EMSY: variants seen among roughly 807,000 people sequenced by gnomAD.
EMSY encodes the protein BRCA2-interacting transcriptional repressor EMSY.
EMSY carries 26 observed loss-of-function variants against 134.6 expected under a neutral mutation model. That is an observed-to-expected ratio of 0.19 (90% CI 0.14 to 0.27). EMSY has a LOEUF of 0.27. Ranked by LOEUF, EMSY falls within the 10% of genes least tolerant of loss-of-function variation. The probability of loss-of-function intolerance (pLI) is 1.00; values close to 1 mark genes in which losing one functional copy is unlikely to be tolerated. For missense variants in EMSY, 1,305 were observed against 1,611.4 expected, an observed-to-expected ratio of 0.81 and a Z score of 3.26; for synonymous variants, 579 against 577.8, an observed-to-expected ratio of 1.00 and a Z score of -0.03.
chr11:76,488,540 T>G (rs1190010367), intron 8 of EMSY, among the ~76,000 whole-genome samples: 2 of 152,108 alleles, frequency 1.3e-5, no homozygotes, highest in African/African-American at 2.4e-5. Context: ...TTTTTGTTTT[T>G]TTTTTTATTT....
At chr11:76,500,393 A>G (rs1565321118) in intron 9 of EMSY, among the ~76,000 whole-genome samples, 1 of 152,246 alleles carries the variant, frequency 6.6e-6, no homozygotes, top group Non-Finnish European at 1.5e-5. Flanking sequence ...GACTAAGGGC[A>G]TTCTCAAGAA....
intron 2 of EMSY, among the ~76,000 whole-genome samples, chr11:76,448,202 C>T (rs921471114): frequency 1.3e-5 from 2 of 152,174 alleles, no homozygotes; most frequent in East Asian, 1.9e-4. Context: ...ATCATAGCTG[C>T]TCTGGCCCTG....
intron 4 of EMSY, among the ~76,000 whole-genome samples, chr11:76,455,635 A>G (rs78131992): frequency 0.028 from 4,262 of 152,244 alleles, 83 homozygotes; most frequent in East Asian, 0.062. Flanking sequence ...AAGATTGAGC[A>G]CAAAGGAGGG....
chr11:76,508,872 A>G (rs750499946), intron 9 of EMSY, among the ~76,000 whole-genome samples: 4 of 152,134 alleles, frequency 2.6e-5, no homozygotes, highest in Non-Finnish European at 5.9e-5. Flanking sequence ...CCTGGCCTTC[A>G]TAGAAATGAA....
At chr11:76,457,063 A>G (rs1178837759) in intron 4 of EMSY, among the ~76,000 whole-genome samples, 1 of 152,172 alleles carries the variant, frequency 6.6e-6, no homozygotes, top group East Asian at 1.9e-4. Flanking sequence ...TACCAAATTC[A>G]TAGGATTGAA....
chr11:76,529,373 G>A (rs1183359289), intron 14 of EMSY, among the ~76,000 whole-genome samples: 1 of 152,042 alleles, frequency 6.6e-6, no homozygotes, highest in Non-Finnish European at 1.5e-5. Flanking sequence ...TCCATATTGT[G>A]CAAACACTAG....
At chr11:76,448,911 G>C (rs1947535424) in intron 2 of EMSY, among the ~76,000 whole-genome samples, 1 of 152,038 alleles carries the variant, frequency 6.6e-6, no homozygotes, top group Non-Finnish European at 1.5e-5. Flanking sequence ...TTGGGATAGA[G>C]AATTTCTTTA....
At chr11:76,472,718 C>T in exon 8 of EMSY, 1 of 1,614,182 alleles carries the variant, frequency 6.2e-7, no homozygotes, top group Non-Finnish European at 8.5e-7. Flanking sequence ...TCACAGTCCT[C>T]TCTGGTCAGT....
chr11:76,478,815 A>G (rs1467482199), intron 8 of EMSY, among the ~76,000 whole-genome samples: 9 of 150,068 alleles, frequency 6.0e-5, no homozygotes, highest in Non-Finnish European at 1.2e-4. Flanking sequence ...TATAATATAT[A>G]ATGTATAATA....
intron 2 of EMSY, among the ~76,000 whole-genome samples, chr11:76,449,341 A>G (rs1325081419): frequency 6.6e-6 from 1 of 152,196 alleles, no homozygotes; most frequent in Non-Finnish European, 1.5e-5. Context: ...TGGATTCTAT[A>G]GCTGTGGTAA....
At chr11:76,503,527 A>C (rs1170297327) in intron 9 of EMSY, among the ~76,000 whole-genome samples, 1 of 152,152 alleles carries the variant, frequency 6.6e-6, no homozygotes, top group African/African-American at 2.4e-5. Context: ...TAGTCTTTTT[A>C]ACAAATTCTG....
intron 11 of EMSY, among the ~76,000 whole-genome samples, chr11:76,518,122 C>G (rs982716039): frequency 5.3e-4 from 78 of 148,190 alleles, no homozygotes; most frequent in African/African-American, 1.9e-3. Context: ...TGAGCAGATG[C>G]TTTTTCTAGG....
At chr11:76,464,051 A>G (rs1358211195) in exon 7 of EMSY, 11 of 1,614,198 alleles carry the variant, frequency 6.8e-6, no homozygotes, top group African/African-American at 1.3e-5. Context: ...TAAACCATCA[A>G]CACAGACAAC....
At chr11:76,521,715 A>G (rs1176062491) in intron 11 of EMSY, among the ~76,000 whole-genome samples, 1 of 151,284 alleles carries the variant, frequency 6.6e-6, no homozygotes, top group African/African-American at 2.4e-5. Flanking sequence ...AGTAGATATG[A>G]TCATGCCTCT....
chr11:76,472,653 A>G (rs1590827319), exon 8 of EMSY: 4 of 1,614,162 alleles, frequency 2.5e-6, no homozygotes, highest in Non-Finnish European at 3.4e-6. Flanking sequence ...CTAAGCTTGT[A>G]CCAACGTCAG....
intron 1 of EMSY, among the ~76,000 whole-genome samples, chr11:76,445,941 AG>A (rs1210683448): frequency 2.0e-5 from 3 of 151,854 alleles, no homozygotes; most frequent in Non-Finnish European, 2.9e-5. Flanking sequence ...AAGTAGGGGG[AG>A]GGGGGCTCAC....
At chr11:76,523,085 A>C in intron 11 of EMSY, 70 bp from the exon 13 acceptor site, 3 of 1,450,778 alleles carry the variant, frequency 2.1e-6, no homozygotes, top group South Asian at 2.7e-5. Context: ...AATTGTGTAT[A>C]ATATAAACAA....
At position 76,550,090 on chromosome 11, in the gene EMSY, A is replaced by G. The variant is rs776429330; in HGVS notation, c.3913A>G (p.Ser1305Gly). The change falls in exon 21 of 21, where the codon AGC (serine) becomes GGC (glycine). Residue 1305 changes from serine (S) to glycine (G), a missense_variant. Ser to Gly is a moderately conservative substitution (Grantham distance 56). Coordinates refer to ENST00000334736, the Ensembl canonical transcript of EMSY. ...AGCAATGGAGCAGGACATAGACAGTAGCACGGAGGATGGAACTGAACCCAG... is the reference window on the plus strand; with the variant it reads ...AGCAATGGAGCAGGACATAGACAGTGGCACGGAGGATGGAACTGAACCCAG... The G allele has an allele frequency of 1.9e-6, 3 of 1,613,880 alleles. No individual in the cohort carries two copies. In the South Asian group the frequency reaches 3.3e-5, roughly 18 times the overall value.
At chr11:76,539,695 G>T (rs75492586) in intron 17 of EMSY, 55 bp downstream of exon 18, 3 of 1,546,298 alleles carry the variant, frequency 1.9e-6, no homozygotes, top group Non-Finnish European at 2.7e-6. Flanking sequence ...TGATTGTTTT[G>T]GGGGGAACCG....
Sources: gnomAD v4.1 joint callset for allele counts (sites outside exome capture counted in the v4.1 genomes callset) on GRCh38, gnomAD v4.1.1 for gene constraint, MANE v1.5 for transcripts, NCBI Gene and HGNC (gene_info 2026-07-23, HGNC 2026-07-21) for gene names.